OTUD7A: variants seen among roughly 807,000 people sequenced by gnomAD.
OTUD7A encodes the protein OTU domain-containing protein 7A.
OTUD7A carries 12 observed loss-of-function variants against 65.7 expected under a neutral mutation model. The observed-to-expected ratio is 0.18, with a 90% confidence interval of 0.12 to 0.30. The LOEUF is 0.30. OTUD7A is among the 10% of genes least tolerant of loss of function. The pLI, the probability that OTUD7A is intolerant of heterozygous loss-of-function variation, is 1.00. For missense variants in OTUD7A, 1,148 were observed against 1,304.8 expected, an observed-to-expected ratio of 0.88 and a Z score of 1.85; for synonymous variants, 641 against 586.3, an observed-to-expected ratio of 1.09 and a Z score of -1.35.
chr15:31,522,939 A>G (rs2041957646), intron 8 of OTUD7A, among the ~76,000 whole-genome samples: 1 of 152,214 alleles, frequency 6.6e-6, no homozygotes, highest in Admixed American at 6.5e-5. Flanking sequence ...ATCTGTCTCC[A>G]TACCAGGGGC....
chr15:31,505,974 G>A (rs1382720366), intron 8 of OTUD7A, among the ~76,000 whole-genome samples: 1 of 151,920 alleles, frequency 6.6e-6, no homozygotes, highest in Non-Finnish European at 1.5e-5. Context: ...TCCTGACCTC[G>A]TGATCCACCT....
intron 1 of OTUD7A, among the ~76,000 whole-genome samples, chr15:31,801,842 TTA>T (rs1306536548): frequency 5.9e-5 from 9 of 152,000 alleles, no homozygotes; most frequent in African/African-American, 2.2e-4. Context: ...AAATGTAAAA[TTA>T]TGTTTTTTAT....
intron 5 of OTUD7A, among the ~76,000 whole-genome samples, chr15:31,553,901 A>C (rs1888407011): frequency 6.6e-6 from 1 of 151,916 alleles, no homozygotes; most frequent in South Asian, 2.1e-4. Flanking sequence ...TCAGATGTGA[A>C]TCAAGACGCG....
chr15:31,517,622 C>CT (rs2141107107), intron 8 of OTUD7A, among the ~76,000 whole-genome samples: 1 of 152,334 alleles, frequency 6.6e-6, no homozygotes, highest in African/African-American at 2.4e-5. Flanking sequence ...GCCCCACACA[C>CT]TGAGTTCTCC....
chr15:31,574,178 T>C lies in OTUD7A; in HGVS notation c.152-3981A>G, dbSNP rs190234822. On this transcript the variant is annotated intron_variant, in intron 3 of 12. Coordinates refer to ENST00000307050, the MANE Select transcript of OTUD7A (RefSeq NM_001382637.1). ...TAACCACTAGTTATAAACATAATTG[T>C]ATTGTTATACTAGTGGTTAAAAAAG... Among the ~76,000 whole-genome samples, 20 of 152,316 alleles carry C rather than the reference T, an allele frequency of 1.3e-4. No individual in the cohort carries two copies. In the East Asian group the frequency reaches 3.5e-3, roughly 26 times the overall value.
intron 3 of OTUD7A, among the ~76,000 whole-genome samples, chr15:31,627,008 G>C (rs1199610764): frequency 1.3e-5 from 2 of 150,886 alleles, no homozygotes; most frequent in Non-Finnish European, 2.9e-5. Context: ...TCTTGCTAAT[G>C]GGGGGTCTCT....
intron 5 of OTUD7A, chr15:31,557,737 C>G (rs1403618728): frequency 6.6e-6 from 1 of 152,210 alleles, no homozygotes; most frequent in African/African-American, 2.4e-5. Flanking sequence ...TCTTTCCTAC[C>G]AGGGTCCTGA....
intron 1 of OTUD7A, among the ~76,000 whole-genome samples, chr15:31,756,121 A>G (rs754113083): frequency 1.3e-5 from 2 of 152,222 alleles, no homozygotes; most frequent in Non-Finnish European, 1.5e-5. Context: ...GCCCAGTAAC[A>G]CTTCAGCGCC....
At chr15:31,515,969 C>T (rs141176907) in intron 8 of OTUD7A, among the ~76,000 whole-genome samples, 14 of 151,252 alleles carry the variant, frequency 9.3e-5, no homozygotes, top group African/African-American at 1.9e-4. Flanking sequence ...CACCCACCTA[C>T]GCACGCATCC....
chr15:31,635,572 A>G (rs1439031624), intron 3 of OTUD7A, among the ~76,000 whole-genome samples: 10 of 152,208 alleles, frequency 6.6e-5, no homozygotes, highest in Non-Finnish European at 1.2e-4. Context: ...GGGAGGGTGT[A>G]TGAAGGCGCT....
At chr15:31,745,511 T>C (rs1463846090) in intron 1 of OTUD7A, among the ~76,000 whole-genome samples, 1 of 152,144 alleles carries the variant, frequency 6.6e-6, no homozygotes. Flanking sequence ...CTTCAATTCC[T>C]ACCTAATGCC....
chr15:31,795,507 G>A (rs74010507), intron 1 of OTUD7A, among the ~76,000 whole-genome samples: 7,576 of 152,274 alleles, frequency 0.05, 612 homozygotes, highest in African/African-American at 0.17. Context: ...TCGGAGAGGT[G>A]TAGCTAGCAG....
intron 3 of OTUD7A, among the ~76,000 whole-genome samples, chr15:31,592,921 A>G (rs1224892410): frequency 7.0e-5 from 5 of 71,002 alleles, no homozygotes; most frequent in Non-Finnish European, 1.2e-4. Context: ...ATATATATAT[A>G]TATATATATA....
intron 1 of OTUD7A, among the ~76,000 whole-genome samples, chr15:31,843,115 A>G (rs554592168): frequency 3.9e-5 from 6 of 152,012 alleles, no homozygotes; most frequent in Admixed American, 3.3e-4. Flanking sequence ...TCCTCACAGC[A>G]TATGTGAGGA....
intron 1 of OTUD7A, among the ~76,000 whole-genome samples, chr15:31,776,989 A>C (rs1426656308): frequency 6.6e-6 from 1 of 152,220 alleles, no homozygotes; most frequent in Non-Finnish European, 1.5e-5. Flanking sequence ...CTAAAAAAAA[A>C]AAATGGAGCA....
At chr15:31,539,494 AAAAC>A (rs1398214651) in intron 5 of OTUD7A, among the ~76,000 whole-genome samples, 1 of 152,204 alleles carries the variant, frequency 6.6e-6, no homozygotes, top group Non-Finnish European at 1.5e-5. Flanking sequence ...ATTTTCATGA[AAAAC>A]AAAAGAAGAG....
chr15:31,533,528 C>A (rs1020087840), intron 5 of OTUD7A, among the ~76,000 whole-genome samples: 1 of 152,152 alleles, frequency 6.6e-6, no homozygotes, highest in Non-Finnish European at 1.5e-5. Flanking sequence ...TGAGCCACCA[C>A]GCCCAGCCAA....
intron 1 of OTUD7A, among the ~76,000 whole-genome samples, chr15:31,770,271 T>A (rs1268813826): frequency 6.6e-6 from 1 of 152,120 alleles, no homozygotes; most frequent in East Asian, 1.9e-4. Context: ...AAAGTATTAA[T>A]TACATGGGAA....
intron 5 of OTUD7A, among the ~76,000 whole-genome samples, chr15:31,553,167 G>C (rs1888379430): frequency 6.6e-6 from 1 of 152,082 alleles, no homozygotes; most frequent in Non-Finnish European, 1.5e-5. Flanking sequence ...CTCCCTTCTT[G>C]AAACACCTTC....
Sources: allele counts gnomAD v4.1 joint callset (sites outside exome capture counted in the v4.1 genomes callset), GRCh38; gene constraint gnomAD v4.1.1; transcripts MANE v1.5; gene names NCBI Gene and HGNC (gene_info 2026-07-23, HGNC 2026-07-21).